Variants in RELCH observed in about 807,000 individuals in gnomAD.
The protein encoded by RELCH is RAB11 binding and LisH domain, coiled-coil and HEAT repeat containing, also known as RAB11-binding protein RELCH.
A neutral mutation model predicts 150.3 loss-of-function variants in RELCH; 41 were observed. The ratio of observed to expected loss-of-function variants is 0.27; its 90% CI spans 0.21 to 0.35. The LOEUF is 0.35. Ranked by LOEUF, RELCH falls within the 10% of genes least tolerant of loss-of-function variation. The pLI is 1.00. For missense variants in RELCH, 1,092 were observed against 1,467.8 expected (o/e 0.74, Z 4.18); for synonymous variants, 478 against 531.8 (o/e 0.90, Z 1.39).
chr18:62,194,164 C>T (rs957622173), intron 1 of RELCH, among the ~76,000 whole-genome samples: 4 of 152,150 alleles, frequency 2.6e-5, no homozygotes, highest in Non-Finnish European at 5.9e-5. Context: ...AGGAGGATCG[C>T]TTGAGCCCAG....
intron 3 of RELCH, 48 bp downstream of exon 3, chr18:62,221,156 G>C (rs1328901806): frequency 5.7e-6 from 9 of 1,592,760 alleles, no homozygotes; most frequent in Middle Eastern, 1.7e-4. Flanking sequence ...TGACAATGTA[G>C]AAGTAGCTGA....
chr18:62,290,305 G>A (rs937379044), intron 26 of RELCH, among the ~76,000 whole-genome samples: 1 of 152,094 alleles, frequency 6.6e-6, no homozygotes, highest in Non-Finnish European at 1.5e-5. Flanking sequence ...AGGCCAAGGC[G>A]GGCAGATCAC....
intron 27 of RELCH, 133 bp from the exon 28 acceptor site, chr18:62,298,657 C>T (rs1568451257): frequency 1.8e-6 from 1 of 562,152 alleles, no homozygotes; most frequent in Admixed American, 3.6e-5. Flanking sequence ...ATTCCTTTAA[C>T]AAAGTAACTG....
chr18:62,204,403 A>T (rs900268215), intron 1 of RELCH, among the ~76,000 whole-genome samples: 1 of 152,112 alleles, frequency 6.6e-6, no homozygotes, highest in Non-Finnish European at 1.5e-5. Flanking sequence ...TGTCTCAATC[A>T]TGGCTCATTA....
At chr18:62,261,903 A>G (rs916430950) in intron 16 of RELCH, among the ~76,000 whole-genome samples, 3 of 151,998 alleles carry the variant, frequency 2.0e-5, no homozygotes, top group Non-Finnish European at 2.9e-5. Context: ...CTCTTAATCT[A>G]TAGCCTTTTT....
At chr18:62,251,399 T>C (rs62094282) in intron 11 of RELCH, among the ~76,000 whole-genome samples, 42,721 of 152,198 alleles carry the variant, frequency 0.28, 7,149 homozygotes, top group East Asian at 0.59. Flanking sequence ...CCTCACTGAC[T>C]GGTGGCCAGA....
chr18:62,290,799 A>G (rs991432460), intron 26 of RELCH, among the ~76,000 whole-genome samples: 2 of 152,328 alleles, frequency 1.3e-5, no homozygotes, highest in African/African-American at 4.8e-5. Flanking sequence ...ATCCAACTCA[A>G]TCAGGACCTA....
intron 21 of RELCH, among the ~76,000 whole-genome samples, chr18:62,275,031 CT>C (rs1341569837): frequency 6.6e-6 from 1 of 152,202 alleles, no homozygotes; most frequent in Non-Finnish European, 1.5e-5. Context: ...ATTCTCCTGC[CT>C]CAGCCTCCTG....
At chr18:62,293,677 CA>C (rs2045268038) in intron 27 of RELCH, among the ~76,000 whole-genome samples, 1 of 151,810 alleles carries the variant, frequency 6.6e-6, no homozygotes, top group Non-Finnish European at 1.5e-5. Context: ...TATACTGTCA[CA>C]AAGTTGATGG....
intron 11 of RELCH, chr18:62,247,404 G>C (rs1449383249): frequency 2.0e-5 from 3 of 151,994 alleles, no homozygotes; most frequent in African/African-American, 7.3e-5. Context: ...TGTAGGCTTA[G>C]AGGAAAAAGA....
chr18:62,207,016 A>G (rs2039842207), intron 1 of RELCH, among the ~76,000 whole-genome samples: 1 of 152,134 alleles, frequency 6.6e-6, no homozygotes, highest in Non-Finnish European at 1.5e-5. Flanking sequence ...TGTACAATTC[A>G]TTGGTTTTTA....
intron 28 of RELCH, among the ~76,000 whole-genome samples, chr18:62,302,348 T>C (rs1276475080): frequency 6.6e-6 from 1 of 152,136 alleles, no homozygotes; most frequent in African/African-American, 2.4e-5. Flanking sequence ...AGGCTTATGG[T>C]TGGAGCAGTG....
intron 2 of RELCH, among the ~76,000 whole-genome samples, chr18:62,213,484 A>T (rs1279719238): frequency 2.0e-5 from 3 of 152,138 alleles, no homozygotes; most frequent in African/African-American, 7.2e-5. Context: ...TAATCCCAGC[A>T]CTTGGGAGGC....
At chr18:62,210,938 T>C (rs2040120774) in intron 1 of RELCH, among the ~76,000 whole-genome samples, 1 of 152,198 alleles carries the variant, frequency 6.6e-6, no homozygotes. Context: ...GTGTGCATTA[T>C]TTGGGAGTTG....
intron 11 of RELCH, among the ~76,000 whole-genome samples, chr18:62,247,977 A>C (rs2042509017): frequency 6.6e-6 from 1 of 152,188 alleles, no homozygotes; most frequent in African/African-American, 2.4e-5. Context: ...ATACATCCTG[A>C]TGGACAAAAT....
chr18:62,211,354 G>C (rs1453646662), intron 2 of RELCH, 112 bp downstream of exon 2: 6 of 569,362 alleles, frequency 1.1e-5, no homozygotes, highest in Non-Finnish European at 1.8e-5. Flanking sequence ...AACATATATA[G>C]TTATTATACA....
At chr18:62,205,768 T>C (rs548969117) in intron 1 of RELCH, among the ~76,000 whole-genome samples, 1 of 152,358 alleles carries the variant, frequency 6.6e-6, no homozygotes, top group South Asian at 2.1e-4. Context: ...CTCTCGCCTA[T>C]AATCCCAGCA....
rs993264896 is a variant in RELCH at position 62,284,284 on chromosome 18, T to C, written c.3253+1840T>C. 2.6e-5 allele frequency: 4 copies of C among 152,198 alleles called. No individual in the cohort carries two copies. In the South Asian group the frequency reaches 8.3e-4, roughly 32 times the overall value. The allele number at this position is 152,198 out of a possible 1,614,324, so 9.4% of individuals were successfully genotyped here. A position where few individuals can be genotyped will look rare whatever the true frequency, so the allele number is the denominator to read the frequency against. ...CTACCTATCAAATTTGTAGGAGTTG[T>C]TCAAGAGGAAAAAATGAATTTTCTT... On this transcript the variant is annotated intron_variant, in intron 25 of 28. Transcript: ENST00000644646.
At chr18:62,267,562 A>G (rs17069677) in intron 19 of RELCH, among the ~76,000 whole-genome samples, 9,800 of 148,908 alleles carry the variant, frequency 0.066, 422 homozygotes, top group Middle Eastern at 0.13. Flanking sequence ...TTTGAGTTGA[A>G]TGGTCTAGAA....
Sources: allele counts gnomAD v4.1 joint callset (sites outside exome capture counted in the v4.1 genomes callset), GRCh38; gene constraint gnomAD v4.1.1; transcripts MANE v1.5; gene names NCBI Gene and HGNC (gene_info 2026-07-23, HGNC 2026-07-21).